The following SREK1 variants were observed in gnomAD, a reference collection of about 807,000 sequenced individuals.
SREK1 encodes the protein splicing regulatory glutamic acid and lysine rich protein 1, also known as splicing regulatory glutamine/lysine-rich protein 1.
In SREK1, 13 loss-of-function variants were observed where a neutral mutation model predicts 66.5. The ratio of observed to expected loss-of-function variants is 0.20; its 90% confidence interval spans 0.13 to 0.31. The LOEUF is 0.31. Ranked by LOEUF, SREK1 falls within the 10% of genes least tolerant of loss-of-function variation. SREK1 has a pLI of 1.00. For synonymous variants in SREK1, 265 were observed against 263.5 expected, an observed-to-expected ratio of 1.01 and a Z score of -0.05; for missense variants, 607 against 769.6, an observed-to-expected ratio of 0.79 and a Z score of 2.50.
rs1742976178 is a variant in SREK1, at chr5:66,144,544, G to A, written c.161+7G>A. On this transcript the variant is annotated splice_region_variant and intron_variant, in intron 1 of 11. Coordinates refer to ENST00000334121, the MANE Select transcript of SREK1 (RefSeq NM_001077199.3). ...TGCGGCTCTACCCCCCGGAGTAAGT[G>A]CTGGAGCTCGGCTGGGGGAGGGGCG... 8 of 1,548,200 alleles carry A rather than the reference G, an allele frequency of 5.2e-6. 1 individual carries two copies. The African/African-American group carries it at 8.2e-5, about 16-fold the overall frequency.
intron 7 of SREK1, chr5:66,168,804 A>G (rs1745381795): frequency 6.6e-6 from 1 of 152,256 alleles, no homozygotes; most frequent in Admixed American, 6.5e-5. Context: ...ACATAAGGAT[A>G]TAAAGTTTAC....
intron 2 of SREK1, chr5:66,158,736 A>G: frequency 4.2e-6 from 5 of 1,196,318 alleles, no homozygotes; most frequent in Non-Finnish European, 5.4e-6. Context: ...TAATTTGGTT[A>G]TTTGCCATTT....
Position 66,181,556 on chromosome 5 carries a change from T to C in SREK1, c.*2688T>C, listed in dbSNP as rs539946450. On this transcript the variant is annotated 3_prime_UTR_variant, in exon 12 of 12. Transcript: ENST00000334121. ...GATTACATAGAGTACCCTCTCTTCC[T>C]TAAGTTGTAGTTGCTATTTATCATT... The C allele has an allele frequency of 8.5e-5, 13 of 152,324 alleles. No individual in the cohort carries two copies. Among genetic ancestry groups the C allele is most frequent in the Admixed American group, 8.5e-4 (13 of 15,302 alleles). 9.4% of individuals were successfully genotyped at this position (152,324 alleles called of 1,614,324 possible). A position where few individuals can be genotyped will look rare whatever the true frequency, so the allele number is the denominator to read the frequency against.
intron 7 of SREK1, chr5:66,165,769 G>A (rs1292707111): frequency 6.6e-6 from 1 of 152,180 alleles, no homozygotes; most frequent in African/African-American, 2.4e-5. Flanking sequence ...GGAGGGAAGA[G>A]TGTATCTGTG....
chr5:66,157,351 A>T (rs1744372069), intron 2 of SREK1: 2 of 983,278 alleles, frequency 2.0e-6, no homozygotes, highest in Non-Finnish European at 2.4e-6. Flanking sequence ...TTCAATAGGT[A>T]GTTTTACTTA....
intron 7 of SREK1, chr5:66,167,556 T>C (rs1219910221): frequency 6.6e-6 from 1 of 152,188 alleles, no homozygotes; most frequent in African/African-American, 2.4e-5. Context: ...TTAGATCTGC[T>C]CTTGACTACT....
intron 2 of SREK1, 113 bp from the exon 3 acceptor site, chr5:66,159,106 G>A: frequency 7.0e-7 from 1 of 1,436,734 alleles, no homozygotes; most frequent in Non-Finnish European, 9.1e-7. Flanking sequence ...AGATCTGATA[G>A]ATAGATTCAT....
At chr5:66,161,505 GGCCC>G (rs1486067807) in intron 3 of SREK1, among the ~76,000 whole-genome samples, 4 of 152,068 alleles carry the variant, frequency 2.6e-5, no homozygotes, top group Admixed American at 2.6e-4. Flanking sequence ...TGTTAAGATG[GGCCC>G]ACAAGTGTAG....
In SREK1 at chr5:66,170,725, GGGAAAAGGACCGGGAAAAAGACAA is replaced by G. The variant is rs1177652618; in HGVS notation, c.1273_1296del (p.Lys427_Glu434del). The stretch of plus-strand genomic sequence containing the variant: ...AAAAACAAAGACCGGGACAAGGAAC[GGGAAAAGGACCGGGAAAAAGACAA>G]GGAAAAGGACAGAGAGAGAGAACGG... On this transcript the variant is annotated inframe_deletion, in exon 9 of 12. Coordinates refer to ENST00000334121, the MANE Select transcript of SREK1 (RefSeq NM_001077199.3). 1.9e-6 allele frequency: 3 copies of G among 1,603,216 alleles called. No individual in the cohort carries two copies. The highest frequency in any genetic ancestry group is 2.6e-6 in the Non-Finnish European group (3 of 1,174,278).
rs1746580635 is a variant in SREK1 at position 66,182,568 on chromosome 5, A to G, written c.*3700A>G. 1 of 151,894 alleles carries G rather than the reference A, an allele frequency of 6.6e-6. No individual in the cohort carries two copies. The highest frequency in any genetic ancestry group is 6.6e-5 in the Admixed American group (1 of 15,248). The allele number at this position is 151,894 out of a possible 1,614,324, so 9.4% of individuals were successfully genotyped here. A position where few individuals can be genotyped will look rare whatever the true frequency, so the allele number is the denominator to read the frequency against. On this transcript the variant is annotated 3_prime_UTR_variant, in exon 12 of 12. Transcript: ENST00000334121. ...GCCTGAAGAGTAATACATTATTATT[A>G]TTACTTTTCTTTTTGAGACAGGGTC...
Position 66,178,951 on chromosome 5 carries a change from A to G in SREK1, c.*83A>G, listed in dbSNP as rs1746294892. The stretch of plus-strand genomic sequence containing the variant: ...TCTCAACAAGATGTAAACAGGAAAG[A>G]AATCTAGTTGAGCATGAAGATAGGA... On this transcript the variant is annotated 3_prime_UTR_variant, in exon 12 of 12. Coordinates refer to ENST00000334121, the MANE Select transcript of SREK1 (RefSeq NM_001077199.3). The G allele has an allele frequency of 7.2e-7, 1 of 1,381,048 alleles. No homozygotes were observed. Among genetic ancestry groups the G allele is most frequent in the Non-Finnish European group, 9.5e-7 (1 of 1,048,810 alleles). The allele number at this position is 1,381,048 out of a possible 1,614,324, so 85.5% of individuals were successfully genotyped here.
intron 1 of SREK1, among the ~76,000 whole-genome samples, chr5:66,147,691 A>G (rs1018588446): frequency 6.6e-6 from 1 of 152,240 alleles, no homozygotes; most frequent in Non-Finnish European, 1.5e-5. Context: ...TGTAACCACT[A>G]AAGCCACTTT....
In SREK1 at chr5:66,180,935, A is replaced by C. The variant is rs546232830; in HGVS notation, c.*2067A>C. 5 of 152,392 alleles carry C rather than the reference A, an allele frequency of 3.3e-5. No homozygotes were observed. The highest frequency in any genetic ancestry group is 2.0e-4 in the Admixed American group (3 of 15,282). The allele number at this position is 152,392 out of a possible 1,614,324, so 9.4% of individuals were successfully genotyped here. On this transcript the variant is annotated 3_prime_UTR_variant, in exon 12 of 12. Transcript: ENST00000334121. ...AAAGCATTTTAGTTTTATCCTGCTC[A>C]TTTTAGTTGTCATAGAGATTGTTGT...
chr5:66,168,190 A>G (rs1019275582), intron 7 of SREK1: 2 of 152,156 alleles, frequency 1.3e-5, no homozygotes, highest in Non-Finnish European at 2.9e-5. Flanking sequence ...GTAGATGAGT[A>G]GTTTAAATGG....
At chr5:66,169,054 C>T (rs1338753188) in intron 7 of SREK1, 3 of 152,120 alleles carry the variant, frequency 2.0e-5, no homozygotes, top group Non-Finnish European at 4.4e-5. Flanking sequence ...CTTTCAGAGC[C>T]AGATTGTCAG....
At chr5:66,145,819 A>G (rs932727446) in intron 1 of SREK1, among the ~76,000 whole-genome samples, 1 of 149,562 alleles carries the variant, frequency 6.7e-6, no homozygotes, top group South Asian at 2.2e-4. Context: ...GAATATGCCA[A>G]GTAATCCATG....
chr5:66,148,908 C>CT (rs1743506327), intron 1 of SREK1, among the ~76,000 whole-genome samples: 1 of 152,056 alleles, frequency 6.6e-6, no homozygotes, highest in South Asian at 2.1e-4. Flanking sequence ...GTTTGATGAG[C>CT]TATCTGTTTG....
At chr5:66,153,678 T>G in intron 2 of SREK1, 82 bp downstream of exon 2, 1 of 1,553,642 alleles carries the variant, frequency 6.4e-7, no homozygotes, top group Non-Finnish European at 8.8e-7. Flanking sequence ...GATTGGCAAG[T>G]AGACAGTACT....
chr5:66,173,921 G>T (rs938455899), intron 9 of SREK1, among the ~76,000 whole-genome samples: 1 of 152,192 alleles, frequency 6.6e-6, no homozygotes, highest in Non-Finnish European at 1.5e-5. Context: ...GGTAGAGGTA[G>T]AATTGAGTTG....
Sources: allele counts gnomAD v4.1 joint callset (sites outside exome capture counted in the v4.1 genomes callset), GRCh38; gene constraint gnomAD v4.1.1; transcripts MANE v1.5; gene names NCBI Gene and HGNC (gene_info 2026-07-23, HGNC 2026-07-21).